STARD13: variants seen among roughly 807,000 people sequenced by gnomAD.
STARD13 encodes stAR-related lipid transfer protein 13.
A neutral mutation model predicts 106.4 loss-of-function variants in STARD13; 62 were observed. The ratio of observed to expected loss-of-function variants is 0.58; its 90% CI spans 0.48 to 0.72. The LOEUF is 0.72. Among genes scored for constraint, STARD13 ranks in the 30% least tolerant of loss-of-function variants. STARD13 has a pLI of 0.00. For synonymous variants in STARD13, 565 were observed against 553.0 expected, an observed-to-expected ratio of 1.02 and a Z score of -0.31; for missense variants, 1,387 against 1,424.0, an observed-to-expected ratio of 0.97 and a Z score of 0.42.
the STARD13 span, among the ~76,000 whole-genome samples, chr13:33,520,318 G>A: frequency 1.1e-4 from 16 of 152,084 alleles, no homozygotes; most frequent in Admixed American, 4.6e-4. Flanking sequence ...ATGCGGTTGT[G>A]ACTGCATATT....
At chr13:33,388,954 C>CTTTTT in the STARD13 span, among the ~76,000 whole-genome samples, 1 of 128,400 alleles carries the variant, frequency 7.8e-6, no homozygotes, top group Admixed American at 7.8e-5. Context: ...AGGGGTCCTT[C>CTTTTT]TTTTTTTTTT....
At chr13:33,395,419 A>G in the STARD13 span, among the ~76,000 whole-genome samples, 3 of 152,138 alleles carry the variant, frequency 2.0e-5, no homozygotes, top group Non-Finnish European at 4.4e-5. Flanking sequence ...TTATAATTCT[A>G]TTAATTGGTT....
intron 1 of STARD13, among the ~76,000 whole-genome samples, chr13:33,332,752 T>C (rs2077851447): frequency 6.6e-6 from 1 of 152,230 alleles, no homozygotes; most frequent in Non-Finnish European, 1.5e-5. Context: ...TTTTGTTTTT[T>C]CTTCATAATA....
At chr13:33,430,572 G>GAT in the STARD13 span, among the ~76,000 whole-genome samples, 3 of 152,110 alleles carry the variant, frequency 2.0e-5, no homozygotes, top group African/African-American at 7.2e-5. Context: ...TCTACCACTG[G>GAT]ATATATATCC....
chr13:33,148,792 A>G (rs1642280570), intron 3 of STARD13, among the ~76,000 whole-genome samples: 1 of 152,262 alleles, frequency 6.6e-6, no homozygotes. Flanking sequence ...TAGCTTTTTC[A>G]TAATTTTCAA....
the STARD13 span, among the ~76,000 whole-genome samples, chr13:33,451,022 T>C: frequency 1.7e-4 from 26 of 152,040 alleles, no homozygotes; most frequent in Admixed American, 3.9e-4. Context: ...AGCTGAGACC[T>C]CAGGCACATG....
intron 1 of STARD13, among the ~76,000 whole-genome samples, chr13:33,216,599 C>A (rs943045323): frequency 2.0e-5 from 3 of 152,080 alleles, no homozygotes; most frequent in African/African-American, 7.2e-5. Context: ...TAAAAGACTG[C>A]AAATTGGGTT....
At chr13:33,440,455 ACTC>A in the STARD13 span, among the ~76,000 whole-genome samples, 1 of 145,664 alleles carries the variant, frequency 6.9e-6, no homozygotes, top group Non-Finnish European at 1.5e-5. Flanking sequence ...TCAGCTGACT[ACTC>A]CTTCCTTCTG....
chr13:33,539,973 T>C, the STARD13 span, among the ~76,000 whole-genome samples: 1 of 152,208 alleles, frequency 6.6e-6, no homozygotes, highest in Non-Finnish European at 1.5e-5. Context: ...ACAACTCAAT[T>C]ACAAACAACT....
the STARD13 span, among the ~76,000 whole-genome samples, chr13:33,364,761 C>T: frequency 0.039 from 5,885 of 152,136 alleles, 418 homozygotes; most frequent in African/African-American, 0.13. Context: ...TGGTGGCGGG[C>T]GCCTGTAGTC....
the STARD13 span, among the ~76,000 whole-genome samples, chr13:33,560,810 G>T: frequency 7.9e-5 from 12 of 151,588 alleles, no homozygotes; most frequent in Admixed American, 2.6e-4. Context: ...GAAAGGATTT[G>T]CAGGCATACA....
the STARD13 span, among the ~76,000 whole-genome samples, chr13:33,666,330 G>C: frequency 5.3e-5 from 8 of 152,142 alleles, no homozygotes; most frequent in African/African-American, 1.9e-4. Context: ...GTCTCGCTCT[G>C]TCCCCTAGGC....
the STARD13 span, among the ~76,000 whole-genome samples, chr13:33,381,319 C>T: frequency 9.9e-5 from 15 of 152,274 alleles, no homozygotes; most frequent in South Asian, 2.1e-4. Context: ...GCCTATTAAA[C>T]GCTTCACAGT....
chr13:33,172,316 C>T (rs1884054164), intron 1 of STARD13, among the ~76,000 whole-genome samples: 1 of 152,140 alleles, frequency 6.6e-6, no homozygotes, highest in Non-Finnish European at 1.5e-5. Flanking sequence ...AATTGCATTT[C>T]CCTGTAGGAA....
the STARD13 span, among the ~76,000 whole-genome samples, chr13:33,541,405 T>C: frequency 2.0e-5 from 3 of 152,200 alleles, no homozygotes; most frequent in Non-Finnish European, 4.4e-5. Flanking sequence ...CCTGCCTCCT[T>C]CTTGCCCTAT....
the STARD13 span, among the ~76,000 whole-genome samples, chr13:33,375,882 A>G: frequency 2.4e-3 from 367 of 152,276 alleles, no homozygotes; most frequent in Admixed American, 6.7e-3. Context: ...TGGCTGATTA[A>G]GTAATATGAC....
intron 1 of STARD13, among the ~76,000 whole-genome samples, chr13:33,301,736 A>G (rs2138466714): frequency 6.6e-6 from 1 of 151,470 alleles, no homozygotes; most frequent in African/African-American, 2.4e-5. Context: ...CCTGGCTAAT[A>G]TTTTTGTATT....
At chr13:33,599,782 T>C in the STARD13 span, among the ~76,000 whole-genome samples, 1 of 152,174 alleles carries the variant, frequency 6.6e-6, no homozygotes, top group Non-Finnish European at 1.5e-5. Flanking sequence ...GTGGAATGAA[T>C]TGATATAACT....
chr13:33,475,901 G>A, the STARD13 span, among the ~76,000 whole-genome samples: 10 of 151,998 alleles, frequency 6.6e-5, no homozygotes, highest in South Asian at 2.1e-4. Flanking sequence ...AGGTTGCAGC[G>A]AGCCGAGATG....
Sources: gnomAD v4.1 joint callset for allele counts (sites outside exome capture counted in the v4.1 genomes callset) on GRCh38, gnomAD v4.1.1 for gene constraint, MANE v1.5 for transcripts, NCBI Gene and HGNC (gene_info 2026-07-23, HGNC 2026-07-21) for gene names.